The following ASIC4 variants were observed in gnomAD, a reference collection of about 807,000 sequenced individuals.
The protein encoded by ASIC4 is acid sensing ion channel subunit family member 4, also known as acid-sensing ion channel 4.
In ASIC4, 28 loss-of-function variants were observed where a neutral mutation model predicts 53.4. That is an observed-to-expected ratio of 0.52 (90% CI 0.39 to 0.72). ASIC4 has a LOEUF of 0.72. Among genes scored for constraint, ASIC4 ranks in the 30% least tolerant of loss-of-function variants. The pLI, the probability that ASIC4 is intolerant of heterozygous loss-of-function variation, is 0.00. For missense variants in ASIC4, 649 were observed against 729.7 expected (o/e 0.89, Z 1.27); for synonymous variants, 289 against 301.4 (o/e 0.96, Z 0.43).
chr2:219,515,885 TCA>T (rs1339211799), intron 1 of ASIC4, among the ~76,000 whole-genome samples: 1 of 152,088 alleles, frequency 6.6e-6, no homozygotes, highest in Admixed American at 6.5e-5. Context: ...CATGCCTGCC[TCA>T]CAGACTCCCT....
chr2:219,519,763 G>A (rs1694857031), intron 1 of ASIC4, among the ~76,000 whole-genome samples: 1 of 152,192 alleles, frequency 6.6e-6, no homozygotes, highest in Non-Finnish European at 1.5e-5. Context: ...GTCTGGGTAG[G>A]GCAGGGCTGG....
chr2:219,532,143 C>T lies in ASIC4; in HGVS notation c.855+15C>T. The stretch of plus-strand genomic sequence containing the variant: ...AGGAACAGCGGGTGAGCATCTCCTG[C>T]TAGGCCCTGGATTGGGCACAGGGCT... On this transcript the variant is annotated intron_variant, in intron 3 of 9. Transcript: ENST00000358078. 2 of 1,613,960 alleles carry T rather than the reference C, an allele frequency of 1.2e-6. No homozygotes were observed. Among genetic ancestry groups the T allele is most frequent in the Non-Finnish European group, 1.7e-6 (2 of 1,179,996 alleles).
chr2:219,535,342 T>G lies in ASIC4; in HGVS notation c.1229+18T>G, dbSNP rs60623120. 0.13 allele frequency: 162,929 copies of G among 1,269,986 alleles called. 10,096 individuals carry two copies. The highest frequency in any genetic ancestry group is 0.15 in the Admixed American group (5,935 of 39,786). 78.7% of individuals were successfully genotyped at this position (1,269,986 alleles called of 1,614,324 possible). A position where few individuals can be genotyped will look rare whatever the true frequency, so the allele number is the denominator to read the frequency against. The stretch of plus-strand genomic sequence containing the variant: ...TACATACGGTATGTGTGTGTGTGTG[T>G]GGGGGGTGGCTGTGTGACTCTGTGT... On this transcript the variant is annotated intron_variant, in intron 6 of 9. Coordinates refer to ENST00000358078, the MANE Select transcript of ASIC4 (RefSeq NM_018674.6).
chr2:219,537,566 A>C lies in ASIC4; in HGVS notation c.1402-66A>C, dbSNP rs567089154. ...AGTCCTGTGGGCAGCTGGGCATGGTAAGGCTCACGCTTCTCCTCAACCAAA... is the reference window on the plus strand; with the variant it reads ...AGTCCTGTGGGCAGCTGGGCATGGTCAGGCTCACGCTTCTCCTCAACCAAA... On this transcript the variant is annotated intron_variant, in intron 8 of 9. Transcript: ENST00000358078. This position sits in a 1 kb window ranked among gnomAD's most constrained non-coding sequence, Gnocchi z 4.9. 7.1e-7 allele frequency: 1 copy of C among 1,408,642 alleles called. No individual in the cohort carries two copies. The highest frequency in any genetic ancestry group is 2.3e-5 in the East Asian group (1 of 42,888). 87.3% of individuals were successfully genotyped at this position (1,408,642 alleles called of 1,614,324 possible).
At position 219,517,351 on chromosome 2, in the gene ASIC4, AAGG is replaced by A. The variant is rs1161803212; in HGVS notation, c.582+2050_582+2052del. 1 of 152,494 alleles carries A rather than the reference AAGG, an allele frequency of 6.6e-6. No individual in the cohort carries two copies. The highest frequency in any genetic ancestry group is 6.5e-5 in the Admixed American group (1 of 15,276). 9.4% of individuals were successfully genotyped at this position (152,494 alleles called of 1,614,324 possible). A position where few individuals can be genotyped will look rare whatever the true frequency, so the allele number is the denominator to read the frequency against. ...CCCTCTGGTACCCTGGGGCTGGAGA[AAGG>A]AGGATGGTAGAAGTCCGTGGGCTGA... On this transcript the variant is annotated intron_variant, in intron 1 of 9. Coordinates refer to ENST00000358078, the MANE Select transcript of ASIC4 (RefSeq NM_018674.6). This position sits in a 1 kb window ranked among gnomAD's most constrained non-coding sequence, Gnocchi z 4.2.
chr2:219,509,423 G>A (rs1240438093), upstream of ASIC4, among the ~76,000 whole-genome samples: 3 of 152,124 alleles, frequency 2.0e-5, no homozygotes, highest in Non-Finnish European at 2.9e-5. This position sits in a 1 kb window ranked among gnomAD's most constrained non-coding sequence, Gnocchi z 5.2. Flanking sequence ...TCTTTGAGGC[G>A]AAGCTACACC....
rs144993868 is a variant in ASIC4, at chr2:219,535,327, A to ATG, written c.1229+18_1229+19dup. 4.1e-4 allele frequency: 632 copies of ATG among 1,532,652 alleles called. 2 individuals are homozygous for ATG. The highest frequency in any genetic ancestry group is 2.5e-3 in the South Asian group (217 of 86,770). 94.9% of individuals were successfully genotyped at this position (1,532,652 alleles called of 1,614,324 possible). ...AACCGCAACGAGACCTACATACGGT[A>ATG]TGTGTGTGTGTGTGTGGGGGGTGGC... is the stretch of plus-strand genomic sequence containing the variant. On this transcript the variant is annotated splice_donor_region_variant and intron_variant, in intron 6 of 9. Transcript: ENST00000358078.
the ASIC4 span, among the ~76,000 whole-genome samples, chr2:219,507,211 C>CCCCTGCCT: frequency 1.3e-5 from 2 of 152,212 alleles, no homozygotes; most frequent in African/African-American, 4.8e-5. Flanking sequence ...CCCCCCTTCA[C>CCCCTGCCT]CCCTGCCTCC....
upstream of ASIC4, chr2:219,514,302 A>T: frequency 3.3e-6 from 5 of 1,495,486 alleles, no homozygotes; most frequent in Non-Finnish European, 4.5e-6. Flanking sequence ...AACGCTGTTG[A>T]CATGTCCTGA....
At chr2:219,521,118 G>T (rs888899450) in intron 1 of ASIC4, among the ~76,000 whole-genome samples, 24 of 152,348 alleles carry the variant, frequency 1.6e-4, no homozygotes, top group African/African-American at 5.5e-4. Context: ...GCCTGCTTGG[G>T]CAGTGGAGTG....
chr2:219,529,256 T>C (rs12474700), intron 1 of ASIC4, among the ~76,000 whole-genome samples: 1,789 of 152,214 alleles, frequency 0.012, 33 homozygotes, highest in African/African-American at 0.04. Flanking sequence ...TCCTGAGCTG[T>C]CCATGACACC....
chr2:219,507,506 G>T, the ASIC4 span, among the ~76,000 whole-genome samples: 26 of 152,180 alleles, frequency 1.7e-4, no homozygotes, highest in Admixed American at 1.4e-3. Context: ...TGGCAGGCTG[G>T]GTGGGCCTGA....
chr2:219,529,931 G>A lies in ASIC4; in HGVS notation c.583-1827G>A, dbSNP rs1160370049. 1.3e-5 allele frequency among the ~76,000 whole-genome samples: 2 copies of A among 151,956 alleles called. 1 individual carries two copies. Among genetic ancestry groups the A allele is most frequent in the Non-Finnish European group, 2.9e-5 (2 of 67,966 alleles). The stretch of plus-strand genomic sequence containing the variant: ...GCAGGGTGGTCTACTTCTCAGGCAT[G>A]GGGACTTCACCCTGCCCCCTAGGAG... On this transcript the variant is annotated intron_variant, in intron 1 of 9. Transcript: ENST00000358078.
rs1001531314 is a variant in ASIC4 at position 219,538,006 on chromosome 2, A to T, written c.1580A>T (p.His527Leu). ...CTGCTCCCCAATCACCACCACCCCCACGGTCCCCCAGGAGGTCTCTTTGAA... is the reference window on the plus strand; with the variant it reads ...CTGCTCCCCAATCACCACCACCCCCTCGGTCCCCCAGGAGGTCTCTTTGAA... Reference protein sequence around the residue: ...SSLLPNHHHPHGPPGGLFEDF... With the variant: ...SSLLPNHHHPLGPPGGLFEDF... The change falls in exon 10 of 10, where the codon CAC (histidine) becomes CTC (leucine). Residue 527 changes from histidine to leucine, a missense_variant. His to Leu is a moderately conservative substitution (Grantham distance 99). Transcript: ENST00000358078. 1.9e-6 allele frequency: 3 copies of T among 1,613,270 alleles called. No homozygotes were observed. In the African/African-American group the frequency reaches 4.0e-5, roughly 22 times the overall value.
chr2:219,529,157 A>G (rs564417743), intron 1 of ASIC4, among the ~76,000 whole-genome samples: 7 of 152,358 alleles, frequency 4.6e-5, no homozygotes, highest in Non-Finnish European at 8.8e-5. Flanking sequence ...TGGGGAGATA[A>G]TAGTACCCAC....
chr2:219,518,465 C>G lies in ASIC4; in HGVS notation c.582+3159C>G, dbSNP rs1040767475. ...GGAGAGGGCCCTGGGAGGTGGGCCC[C>G]GTATGTTTGCTCTGCATGGTGGCTA... is the stretch of plus-strand genomic sequence containing the variant. On this transcript the variant is annotated intron_variant, in intron 1 of 9. Coordinates refer to ENST00000358078, the MANE Select transcript of ASIC4 (RefSeq NM_018674.6). The surrounding 1 kb of genome is among the most constrained non-coding windows in gnomAD (Gnocchi z 4.8). 1.3e-5 allele frequency among the ~76,000 whole-genome samples: 2 copies of G among 151,986 alleles called. No individual in the cohort carries two copies. Among genetic ancestry groups the G allele is most frequent in the African/African-American group, 4.8e-5 (2 of 41,352 alleles).
At position 219,537,799 on chromosome 2, in the gene ASIC4, AT is replaced by A; in HGVS notation, c.1506+65del. 5 of 1,544,384 alleles carry A rather than the reference AT, an allele frequency of 3.2e-6. No individual in the cohort carries two copies. The highest frequency in any genetic ancestry group is 4.4e-6 in the Non-Finnish European group (5 of 1,133,746). On this transcript the variant is annotated intron_variant, in intron 9 of 9. Transcript: ENST00000358078. The surrounding 1 kb of genome is among the most constrained non-coding windows in gnomAD (Gnocchi z 4.9). ...CACCTCCCCAGGACTGAATACATCCATTGTTTCTGAACCAGCCTGTGGAGGG... is the reference window on the plus strand; with the variant it reads ...CACCTCCCCAGGACTGAATACATCCATGTTTCTGAACCAGCCTGTGGAGGG...
At chr2:219,513,764 T>C (rs1694732333), upstream of ASIC4, among the ~76,000 whole-genome samples, 1 of 152,222 alleles carries the variant, frequency 6.6e-6, no homozygotes. Context: ...GACATATGAA[T>C]GACTGAGATT....
rs781330786 is a variant in ASIC4 at position 219,514,837 on chromosome 2, C to A, written c.113C>A (p.Ala38Asp). The change falls in exon 1 of 10, where the codon GCC becomes GAC. Residue 38 changes from alanine to aspartate, a missense_variant. By Grantham distance (126) the Ala-to-Asp change is moderately radical. Coordinates refer to ENST00000358078, the MANE Select transcript of ASIC4 (RefSeq NM_018674.6). ...SLLGAVAPGA[A>D]PRDLATFAST... ...CTCGGGGCTGTTGCCCCTGGAGCAG[C>A]CCCCCGAGACCTGGCCACCTTTGCC... 4.3e-6 allele frequency: 7 copies of A among 1,613,072 alleles called. No individual in the cohort carries two copies. Among genetic ancestry groups the A allele is most frequent in the Non-Finnish European group, 5.9e-6 (7 of 1,179,866 alleles).
Sources: allele counts gnomAD v4.1 joint callset (sites outside exome capture counted in the v4.1 genomes callset), GRCh38; gene constraint gnomAD v4.1.1; non-coding constraint Gnocchi (gnomAD v3.1); transcripts MANE v1.5; gene names NCBI Gene and HGNC (gene_info 2026-07-23, HGNC 2026-07-21).